TH: variants seen among roughly 807,000 people sequenced by gnomAD.
TH encodes tyrosine 3-monooxygenase.
A neutral mutation model predicts 57.4 loss-of-function variants in TH; 49 were observed. The observed-to-expected ratio is 0.85, with a 90% CI of 0.68 to 1.08. TH has a LOEUF of 1.08. Among genes scored for constraint, TH ranks in the 50% least tolerant of loss-of-function variants. TH has a pLI of 0.00. For synonymous variants in TH, 330 were observed against 304.5 expected (o/e 1.08, Z -0.87); for missense variants, 720 against 696.7 (o/e 1.03, Z -0.38).
chr11:2,168,903 C>T (rs1219228556), intron 2 of TH, among the ~76,000 whole-genome samples: 2 of 152,188 alleles, frequency 1.3e-5, no homozygotes, highest in Non-Finnish European at 2.9e-5. Flanking sequence ...GGAGTTGTCA[C>T]CGCTTGAGGC....
In TH at chr11:2,170,038, G is replaced by T. The variant is rs1462999628; in HGVS notation, c.91-167C>A. On this transcript the variant is annotated intron_variant, in intron 1 of 12. Coordinates refer to ENST00000352909, the MANE Select transcript of TH (RefSeq NM_000360.4). This position sits in a 1 kb window ranked among gnomAD's most constrained non-coding sequence, Gnocchi z 6.0. ...CCTGCTGGGGCAGATGCTAGCCGAGGTGCCTGCGGGCATTGCACGCCCTTC... is the reference window on the plus strand; with the variant it reads ...CCTGCTGGGGCAGATGCTAGCCGAGTTGCCTGCGGGCATTGCACGCCCTTC... 6.6e-6 allele frequency among the ~76,000 whole-genome samples: 1 copy of T among 152,218 alleles called. No individual in the cohort carries two copies. The highest frequency in any genetic ancestry group is 2.4e-5 in the African/African-American group (1 of 41,450).
chr11:2,171,677 G>T lies in TH; in HGVS notation c.90+20C>A, dbSNP rs752848709. The T allele has an allele frequency of 6.2e-7, 1 of 1,609,812 alleles. No homozygotes were observed. The highest frequency in any genetic ancestry group is 1.7e-5 in the Admixed American group (1 of 59,974). On this transcript the variant is annotated intron_variant, in intron 1 of 12. Transcript: ENST00000352909. The surrounding 1 kb of genome is among the most constrained non-coding windows in gnomAD (Gnocchi z 8.6). Reference sequence around the variant, plus strand: ...GGCTCCGGTCCACTGCGGCCGCCGGGCACCTACCTGCCCTCTTACCATGAT... The same window carrying T: ...GGCTCCGGTCCACTGCGGCCGCCGGTCACCTACCTGCCCTCTTACCATGAT...
Position 2,168,538 on chromosome 11 carries a change from C to A in TH, c.440G>T (p.Gly147Val). The A allele has an allele frequency of 2.5e-6, 4 of 1,612,236 alleles. No homozygotes were observed. Among genetic ancestry groups the A allele is most frequent in the Non-Finnish European group, 3.4e-6 (4 of 1,179,796 alleles). ...RRGDLAALLS[G>V]VRQVSEDVRS... is the part of the protein sequence containing the mutation. The stretch of plus-strand genomic sequence containing the variant: ...CACGTCCTCTGACACCTGGCGCACA[C>A]CACTGAGCAGGGCGGCCAGGTCCCC... Residue 147 changes from glycine (G) to valine (V), a missense_variant, in exon 3 of 13, where the codon GGT becomes GTT. Coordinates refer to ENST00000352909, the MANE Select transcript of TH (RefSeq NM_000360.4).
In TH at chr11:2,170,705, G is replaced by T; in HGVS notation, c.91-834C>A. 6.2e-7 allele frequency: 1 copy of T among 1,605,986 alleles called. No homozygotes were observed. Among genetic ancestry groups the T allele is most frequent in the South Asian group, 1.1e-5 (1 of 89,006 alleles). On this transcript the variant is annotated intron_variant, in intron 1 of 12. Transcript: ENST00000352909. This position sits in a 1 kb window ranked among gnomAD's most constrained non-coding sequence, Gnocchi z 6.0. Reference sequence around the variant, plus strand: ...TCTTACTTACCCTTGGGGTGGGGGTGTAGGATGCAGCTGGGGCTGCAGTTC... The same window carrying T: ...TCTTACTTACCCTTGGGGTGGGGGTTTAGGATGCAGCTGGGGCTGCAGTTC...
chr11:2,164,618 G>C (rs2133687467), intron 12 of TH, among the ~76,000 whole-genome samples: 1 of 152,228 alleles, frequency 6.6e-6, no homozygotes, highest in African/African-American at 2.4e-5. Context: ...AGACTGCCGG[G>C]CACCCCATCC....
intron 9 of TH, 195 bp downstream of exon 9, chr11:2,166,285 C>T: frequency 1.1e-6 from 1 of 904,926 alleles, no homozygotes; most frequent in Non-Finnish European, 1.7e-6. Flanking sequence ...AGGTAGCCGG[C>T]AGGTGGCAGC....
At position 2,169,969 on chromosome 11, in the gene TH, C is replaced by G. The variant is rs933066036; in HGVS notation, c.91-98G>C. On this transcript the variant is annotated intron_variant, in intron 1 of 12. Coordinates refer to ENST00000352909, the MANE Select transcript of TH (RefSeq NM_000360.4). ...ACAGTCGGGCAGCGCTGATGGCACACAGAGGCAGGGGATGAGAGCACGTTT... is the reference window on the plus strand; with the variant it reads ...ACAGTCGGGCAGCGCTGATGGCACAGAGAGGCAGGGGATGAGAGCACGTTT... 3 of 1,254,264 alleles carry G rather than the reference C, an allele frequency of 2.4e-6. No individual in the cohort carries two copies. In the African/African-American group the frequency reaches 4.4e-5, roughly 19 times the overall value. 77.7% of individuals were successfully genotyped at this position (1,254,264 alleles called of 1,614,324 possible).
Position 2,167,234 on chromosome 11 carries a change from C to G in TH, c.695+201G>C, listed in dbSNP as rs1393301227. On this transcript the variant is annotated intron_variant, in intron 6 of 12. Coordinates refer to ENST00000352909, the MANE Select transcript of TH (RefSeq NM_000360.4). ...GGATAGGGGGCCATGAGGGGCGGTC[C>G]CTCAGCACACTGGGGATGGCCCGAC... The G allele has an allele frequency of 6.2e-6, 6 of 964,782 alleles. No individual in the cohort carries two copies. The African/African-American group carries it at 8.1e-5, about 13-fold the overall frequency. The allele number at this position is 964,782 out of a possible 1,614,324, so 59.8% of individuals were successfully genotyped here. A position where few individuals can be genotyped will look rare whatever the true frequency, so the allele number is the denominator to read the frequency against.
At chr11:2,169,941 C>T in intron 1 of TH, 70 bp from the exon 2 acceptor site, 1 of 1,477,860 alleles carries the variant, frequency 6.8e-7, no homozygotes, top group Non-Finnish European at 9.2e-7. Flanking sequence ...CACAGCTGGT[C>T]CCACAGTCGG....
intron 5 of TH, 92 bp downstream of exon 5, chr11:2,167,774 T>C: frequency 1.4e-6 from 2 of 1,425,762 alleles, no homozygotes. Context: ...GGTGACAAGA[T>C]GGGTCCTCCC....
At position 2,164,074 on chromosome 11, in the gene TH, C is replaced by T. The variant is rs1846009783; in HGVS notation, c.*159G>A. The T allele has an allele frequency of 8.2e-6, 5 of 607,328 alleles. No individual in the cohort carries two copies. The highest frequency in any genetic ancestry group is 4.9e-6 in the Non-Finnish European group (2 of 405,718). The allele number at this position is 607,328 out of a possible 1,614,324, so 37.6% of individuals were successfully genotyped here. A position where few individuals can be genotyped will look rare whatever the true frequency, so the allele number is the denominator to read the frequency against. Reference sequence around the variant, plus strand: ...GCAGCACAACCTCACCACGGGCACACACAGCTGTTGCGCTGAGAAGCAGGT... The same window carrying T: ...GCAGCACAACCTCACCACGGGCACATACAGCTGTTGCGCTGAGAAGCAGGT... On this transcript the variant is annotated 3_prime_UTR_variant, in exon 13 of 13. Coordinates refer to ENST00000352909, the MANE Select transcript of TH (RefSeq NM_000360.4).
In TH at chr11:2,170,089, CAGT is replaced by C. The variant is rs1846212192; in HGVS notation, c.91-221_91-219del. On this transcript the variant is annotated intron_variant, in intron 1 of 12. Coordinates refer to ENST00000352909, the MANE Select transcript of TH (RefSeq NM_000360.4). This position sits in a 1 kb window ranked among gnomAD's most constrained non-coding sequence, Gnocchi z 6.0. ...CCGATGGGGGCAGCCCAGTCAGAAG[CAGT>C]GGTGGTGGGGGAGGAGTGGGGGCTG... Among the ~76,000 whole-genome samples the C allele has an allele frequency of 6.6e-6, 1 of 152,174 alleles. No homozygotes were observed. The highest frequency in any genetic ancestry group is 6.5e-5 in the Admixed American group (1 of 15,290).
Position 2,168,483 on chromosome 11 carries a change from C to T in TH, c.487+8G>A, listed in dbSNP as rs749511812. On this transcript the variant is annotated splice_region_variant and intron_variant, in intron 3 of 12. Transcript: ENST00000352909. ...TTGGTGGCCCTCAAGGACAGAAAAC[C>T]GCCTCACCCTTGGGCCCCGCGGGGC... 22 of 1,612,066 alleles carry T rather than the reference C, an allele frequency of 1.4e-5. No individual in the cohort carries two copies. The highest frequency in any genetic ancestry group is 1.3e-4 in the African/African-American group (10 of 74,890).
rs757808045 is a variant in TH, at chr11:2,167,423, C to G, written c.695+12G>C. 2.4e-5 allele frequency: 37 copies of G among 1,558,848 alleles called. No individual in the cohort carries two copies. The highest frequency in any genetic ancestry group is 1.7e-4 in the Middle Eastern group (1 of 6,020). ...GGCTCCTCCCCAGCCCCTAGCTGCA[C>G]GGAGGTCTCACCAGGTGGCAATCTC... On this transcript the variant is annotated intron_variant, in intron 6 of 12. Transcript: ENST00000352909.
chr11:2,166,823 G>GGGT lies in TH; in HGVS notation c.842-58_842-56dup. ...GCCGGGACGGGCTGGAGCCGCGCTG[G>GGGT]GGTGGGGCGCTTGGCTGACCATCCC... On this transcript the variant is annotated intron_variant, in intron 7 of 12. Coordinates refer to ENST00000352909, the MANE Select transcript of TH (RefSeq NM_000360.4). The GGGT allele has an allele frequency of 1.9e-6, 3 of 1,561,084 alleles. No homozygotes were observed. The South Asian group carries it at 3.5e-5, about 18-fold the overall frequency.
Position 2,169,653 on chromosome 11 carries a change from A to G in TH, c.309T>C (p.Phe103=), listed in dbSNP as rs754746512. ...GACACGAAGGCCACCAGCTCACCTC[A>G]AACACCTTCACAGCTCGGGACAGCG... The part of the protein sequence containing the change: ...PSALSRAVKV[F]ETFEAKIHHL... The change falls in exon 2 of 13, where the codon TTT becomes TTC. Residue 103 remains phenylalanine (F), a synonymous_variant. Coordinates refer to ENST00000352909, the MANE Select transcript of TH (RefSeq NM_000360.4). 8 of 1,613,448 alleles carry G rather than the reference A, an allele frequency of 5.0e-6. No homozygotes were observed. The highest frequency in any genetic ancestry group is 3.3e-5 in the Admixed American group (2 of 59,992).
chr11:2,170,773 G>C lies in TH; in HGVS notation c.91-902C>G. 1 of 1,559,868 alleles carries C rather than the reference G, an allele frequency of 6.4e-7. No homozygotes were observed. The highest frequency in any genetic ancestry group is 1.4e-5 in the African/African-American group (1 of 74,038). The stretch of plus-strand genomic sequence containing the variant: ...GTGAGGCTGGGCCCCGGGGCGCCCT[G>C]GGGAGGGGATGCCTGATGGGGAGCC... On this transcript the variant is annotated intron_variant, in intron 1 of 12. Transcript: ENST00000352909. This position sits in a 1 kb window ranked among gnomAD's most constrained non-coding sequence, Gnocchi z 6.0.
intron 2 of TH, 55 bp from the exon 3 acceptor site, chr11:2,168,720 A>AGGG: frequency 7.4e-6 from 2 of 270,176 alleles, no homozygotes; most frequent in South Asian, 2.9e-5. Context: ...AGAGATGGAG[A>AGGG]GAGAGGGTGG....
At position 2,167,299 on chromosome 11, in the gene TH, C is replaced by T. The variant is rs572278139; in HGVS notation, c.695+136G>A. Reference sequence around the variant, plus strand: ...CTTCCTCCCAACCCAACATTCTGAGCCCTGCAAGTCCCTCTTCTTCCCGGC... The same window carrying T: ...CTTCCTCCCAACCCAACATTCTGAGTCCTGCAAGTCCCTCTTCTTCCCGGC... On this transcript the variant is annotated intron_variant, in intron 6 of 12. Transcript: ENST00000352909. The T allele has an allele frequency of 2.1e-5, 23 of 1,120,324 alleles. No individual in the cohort carries two copies. In the South Asian group the frequency reaches 3.2e-4, roughly 16 times the overall value. The allele number at this position is 1,120,324 out of a possible 1,614,324, so 69.4% of individuals were successfully genotyped here. A position where few individuals can be genotyped will look rare whatever the true frequency, so the allele number is the denominator to read the frequency against.
Sources: gnomAD v4.1 joint callset for allele counts (sites outside exome capture counted in the v4.1 genomes callset) on GRCh38, gnomAD v4.1.1 for gene constraint, Gnocchi (gnomAD v3.1) non-coding constraint, MANE v1.5 for transcripts, NCBI Gene and HGNC (gene_info 2026-07-23, HGNC 2026-07-21) for gene names.